TULP4: variants seen among roughly 807,000 people sequenced by gnomAD.
TULP4 encodes the protein tubby-related protein 4.
In TULP4, 16 loss-of-function variants were observed where a neutral mutation model predicts 129.0. That is an observed-to-expected ratio of 0.12 (90% CI 0.08 to 0.19). The LOEUF (loss-of-function observed/expected upper bound fraction) is 0.19, where lower values mean the gene tolerates loss of function less well. Ranked by LOEUF, TULP4 falls within the 10% of genes least tolerant of loss-of-function variation. The pLI is 1.00. For synonymous variants in TULP4, 998 were observed against 854.0 expected (o/e 1.17, Z -2.94); for missense variants, 1,842 against 2,059.1 (o/e 0.89, Z 2.04).
intron 8 of TULP4, among the ~76,000 whole-genome samples, chr6:158,481,749 A>G (rs1302765117): frequency 6.6e-6 from 1 of 152,084 alleles, no homozygotes; most frequent in Non-Finnish European, 1.5e-5. Context: ...TTTTTACCTG[A>G]TTGCTAATGA....
chr6:158,328,250 T>G (rs1252900261), intron 1 of TULP4, among the ~76,000 whole-genome samples: 1 of 151,934 alleles, frequency 6.6e-6, no homozygotes, highest in African/African-American at 2.4e-5. Context: ...GTGCTATAGC[T>G]CACTCAGTCC....
intron 1 of TULP4, among the ~76,000 whole-genome samples, chr6:158,340,774 G>A (rs1384244145): frequency 2.6e-5 from 4 of 152,150 alleles, no homozygotes; most frequent in African/African-American, 9.7e-5. Flanking sequence ...CACTTGCTGG[G>A]CATATAACTT....
chr6:158,394,462 T>C (rs542990613), intron 1 of TULP4, among the ~76,000 whole-genome samples: 6 of 152,196 alleles, frequency 3.9e-5, no homozygotes, highest in African/African-American at 1.4e-4. Context: ...ATTTTCTGTA[T>C]TACTTCCATT....
chr6:158,375,527 G>A (rs1777163969), intron 1 of TULP4, among the ~76,000 whole-genome samples: 1 of 152,176 alleles, frequency 6.6e-6, no homozygotes, highest in Non-Finnish European at 1.5e-5. Flanking sequence ...AGGAGTGAGA[G>A]GTGTTTCCTC....
intron 1 of TULP4, among the ~76,000 whole-genome samples, chr6:158,361,753 T>A (rs1367808210): frequency 6.6e-6 from 1 of 152,188 alleles, no homozygotes; most frequent in Non-Finnish European, 1.5e-5. Flanking sequence ...GTTAGGAAAA[T>A]CTCTTGGCAT....
intron 1 of TULP4, among the ~76,000 whole-genome samples, chr6:158,266,183 A>G (rs1778441805): frequency 6.6e-6 from 1 of 152,236 alleles, no homozygotes; most frequent in Non-Finnish European, 1.5e-5. Context: ...AAAATTTAAC[A>G]TAGCATAAGC....
chr6:158,263,791 G>T (rs895567001), intron 1 of TULP4, among the ~76,000 whole-genome samples: 1 of 151,850 alleles, frequency 6.6e-6, no homozygotes, highest in African/African-American at 2.4e-5. Context: ...GGCTGGGCGC[G>T]GTGGCTCATG....
chr6:158,234,270 C>T (rs1292181910), intron 1 of TULP4, among the ~76,000 whole-genome samples: 1 of 152,156 alleles, frequency 6.6e-6, no homozygotes, highest in Non-Finnish European at 1.5e-5. Flanking sequence ...ACCCATAAAG[C>T]AATGTGTGGT....
intron 11 of TULP4, among the ~76,000 whole-genome samples, chr6:158,495,893 T>C (rs1349922081): frequency 6.6e-6 from 1 of 151,290 alleles, no homozygotes. Context: ...TGGTGGTAAA[T>C]TTTTCTGAAT....
At chr6:158,245,430 T>A (rs112348600) in intron 1 of TULP4, among the ~76,000 whole-genome samples, 2,321 of 152,206 alleles carry the variant, frequency 0.015, 27 homozygotes, top group South Asian at 0.035. Context: ...GGAAAGGGAA[T>A]GATAAGGATG....
intron 3 of TULP4, among the ~76,000 whole-genome samples, chr6:158,431,456 T>C (rs777271602): frequency 2.6e-5 from 4 of 152,114 alleles, no homozygotes; most frequent in Non-Finnish European, 4.4e-5. Context: ...CCAGCCAGTG[T>C]CCCCAGCAGA....
chr6:158,504,032 C>A lies in TULP4; in HGVS notation c.4369C>A (p.Arg1457=). ...CRRASEKEDG[R]LGSQGFVYVM... ...GCGGGCCAGTGAGAAGGAGGACGGG[C>A]GGCTGGGCAGCCAAGGCTTCGTGTA... Residue 1457 remains arginine (R), a synonymous_variant, in exon 13 of 14, where the codon CGG becomes AGG. Transcript: ENST00000367097. 1 of 1,610,542 alleles carries A rather than the reference C, an allele frequency of 6.2e-7. No homozygotes were observed. Among genetic ancestry groups the A allele is most frequent in the Non-Finnish European group, 8.5e-7 (1 of 1,178,544 alleles).
intron 1 of TULP4, among the ~76,000 whole-genome samples, chr6:158,295,721 C>G (rs1583713035): frequency 6.6e-6 from 1 of 152,240 alleles, no homozygotes; most frequent in African/African-American, 2.4e-5. Flanking sequence ...AACTCCATCT[C>G]TACTAAAAAA....
chr6:158,380,111 A>G (rs1207007633), intron 1 of TULP4, among the ~76,000 whole-genome samples: 2 of 152,218 alleles, frequency 1.3e-5, no homozygotes, highest in Admixed American at 6.5e-5. Flanking sequence ...AGGTCCGACA[A>G]AGAGTTTGAA....
intron 3 of TULP4, among the ~76,000 whole-genome samples, chr6:158,444,439 A>G (rs186067631): frequency 1.3e-5 from 2 of 152,118 alleles, no homozygotes; most frequent in Non-Finnish European, 2.9e-5. Flanking sequence ...GCCTTCAGTC[A>G]TAAAAGCAAA....
chr6:158,290,731 A>G (rs1778922326), intron 1 of TULP4, among the ~76,000 whole-genome samples: 1 of 152,200 alleles, frequency 6.6e-6, no homozygotes, highest in Non-Finnish European at 1.5e-5. Context: ...CTAAAACAAT[A>G]TAAAGGCCTT....
intron 1 of TULP4, among the ~76,000 whole-genome samples, chr6:158,402,533 A>C (rs558426430): frequency 1.1e-3 from 166 of 152,352 alleles, no homozygotes; most frequent in African/African-American, 3.5e-3. Flanking sequence ...TGAATAGAGA[A>C]TCATACTCAA....
intron 3 of TULP4, among the ~76,000 whole-genome samples, chr6:158,447,226 G>A (rs1045040978): frequency 5.3e-5 from 8 of 152,124 alleles, no homozygotes; most frequent in East Asian, 1.9e-4. Context: ...CCCATGCTCC[G>A]GTGTCTTGAC....
At chr6:158,257,565 C>T (rs969899995) in intron 1 of TULP4, among the ~76,000 whole-genome samples, 3 of 152,202 alleles carry the variant, frequency 2.0e-5, no homozygotes, top group African/African-American at 7.2e-5. Context: ...GTTGCTTCTT[C>T]TGTATGATGA....
Sources: gnomAD v4.1 joint callset for allele counts (sites outside exome capture counted in the v4.1 genomes callset) on GRCh38, gnomAD v4.1.1 for gene constraint, MANE v1.5 for transcripts, NCBI Gene and HGNC (gene_info 2026-07-23, HGNC 2026-07-21) for gene names.